The following CCDC171 variants were observed in gnomAD, a reference collection of about 807,000 sequenced individuals.
CCDC171 encodes coiled-coil domain containing 171.
In CCDC171, 177 loss-of-function variants were observed where a neutral mutation model predicts 168.2. The observed-to-expected ratio is 1.05, with a 90% CI of 0.93 to 1.19. CCDC171 has a LOEUF of 1.19. Ranked by LOEUF, CCDC171 falls within the 50% of genes most tolerant of loss-of-function variation. CCDC171 has a pLI of 0.00. For synonymous variants in CCDC171, 687 were observed against 540.8 expected, an observed-to-expected ratio of 1.27 and a Z score of -3.75; for missense variants, 1,991 against 1,539.0, an observed-to-expected ratio of 1.29 and a Z score of -4.91.
chr9:15,644,985 C>T (rs1004574310), intron 7 of CCDC171, among the ~76,000 whole-genome samples: 1 of 152,252 alleles, frequency 6.6e-6, no homozygotes, highest in African/African-American at 2.4e-5. Context: ...ACCTGGGAGG[C>T]ATCCCCTAGT....
intron 14 of CCDC171, among the ~76,000 whole-genome samples, chr9:15,726,675 G>A (rs1221670485): frequency 3.9e-5 from 6 of 151,954 alleles, no homozygotes; most frequent in Non-Finnish European, 7.4e-5. Flanking sequence ...TTTATATTTT[G>A]ATATTTGTAA....
At chr9:16,107,881 T>C in the CCDC171 span, among the ~76,000 whole-genome samples, 25 of 152,242 alleles carry the variant, frequency 1.6e-4, no homozygotes, top group African/African-American at 5.5e-4. Context: ...TATGAAAGAA[T>C]ACATTTCATT....
intron 4 of CCDC171, among the ~76,000 whole-genome samples, chr9:16,021,929 C>T (rs1333193451): frequency 1.3e-5 from 2 of 152,142 alleles, no homozygotes; most frequent in African/African-American, 4.8e-5. Context: ...GTACTTTTGC[C>T]TTTTTAAACC....
chr9:15,586,396 G>A (rs980321380), intron 4 of CCDC171, among the ~76,000 whole-genome samples: 1 of 152,208 alleles, frequency 6.6e-6, no homozygotes, highest in Non-Finnish European at 1.5e-5. Context: ...AGAACAGGGG[G>A]TGTGACAAGA....
At position 15,558,590 on chromosome 9, in the gene CCDC171, C is replaced by CT. The variant is rs2039004325; in HGVS notation, c.-112+5295dup. Among the ~76,000 whole-genome samples, 5 of 152,138 alleles carry CT rather than the reference C, an allele frequency of 3.3e-5. No homozygotes were observed. In the South Asian group the frequency reaches 8.3e-4, roughly 25 times the overall value. ...GGATCAGTGGTGATATCCCCTTTAT[C>CT]TTTTTTTATTACATCTTTGATTCTT... On this transcript the variant is annotated intron_variant, in intron 1 of 25. Coordinates refer to ENST00000380701, the MANE Select transcript of CCDC171 (RefSeq NM_173550.4).
At chr9:15,566,898 C>T (rs2039777149) in intron 2 of CCDC171, among the ~76,000 whole-genome samples, 1 of 152,160 alleles carries the variant, frequency 6.6e-6, no homozygotes, top group African/African-American at 2.4e-5. Flanking sequence ...CCAGTTGTTC[C>T]AGCAGCGTTG....
intron 6 of CCDC171, among the ~76,000 whole-genome samples, chr9:16,028,474 A>T (rs1165353932): frequency 6.6e-6 from 1 of 152,232 alleles, no homozygotes; most frequent in Non-Finnish European, 1.5e-5. Flanking sequence ...CAGGGTTACC[A>T]GATGAAATAT....
At chr9:16,034,947 A>C (rs1394952642) in intron 6 of CCDC171, among the ~76,000 whole-genome samples, 1 of 152,262 alleles carries the variant, frequency 6.6e-6, no homozygotes, top group Non-Finnish European at 1.5e-5. Context: ...GAGAAGAAAC[A>C]TAGTACACTT....
At chr9:15,905,700 C>CA (rs1313987706) in intron 24 of CCDC171, among the ~76,000 whole-genome samples, 2 of 151,994 alleles carry the variant, frequency 1.3e-5, no homozygotes, top group Admixed American at 6.6e-5. Context: ...GATAGAGACA[C>CA]AAAAAACCCT....
intron 1 of CCDC171, among the ~76,000 whole-genome samples, chr9:16,055,838 T>G (rs550817841): frequency 6.6e-6 from 1 of 152,396 alleles, no homozygotes; most frequent in East Asian, 1.9e-4. Flanking sequence ...TAGGAACTAT[T>G]GCAGAATGCA....
At chr9:15,588,039 A>G (rs2041698727) in intron 4 of CCDC171, among the ~76,000 whole-genome samples, 1 of 152,176 alleles carries the variant, frequency 6.6e-6, no homozygotes, top group African/African-American at 2.4e-5. Context: ...GTTCAAGACC[A>G]GCCTGACTGA....
chr9:15,779,494 G>A (rs973067342), intron 20 of CCDC171, among the ~76,000 whole-genome samples: 25 of 152,026 alleles, frequency 1.6e-4, no homozygotes, highest in African/African-American at 5.8e-4. Context: ...CAAGCAGCTG[G>A]GATTACAGGT....
rs1036828802 is a variant in CCDC171 at position 15,637,851 on chromosome 9, T to G, written c.822+14438T>G. ...TCCATGGTGTATATGTGCCACATTT[T>G]CTTAATCCAGTCTATCCTTGTTGGA... On this transcript the variant is annotated intron_variant, in intron 7 of 25. Coordinates refer to ENST00000380701, the MANE Select transcript of CCDC171 (RefSeq NM_173550.4). Among the ~76,000 whole-genome samples, 6 of 152,242 alleles carry G rather than the reference T, an allele frequency of 3.9e-5. No individual in the cohort carries two copies. In the South Asian group the frequency reaches 1.2e-3, roughly 32 times the overall value.
chr9:15,608,979 T>C (rs528368372), intron 6 of CCDC171, among the ~76,000 whole-genome samples: 61 of 122,814 alleles, frequency 5.0e-4, no homozygotes, highest in African/African-American at 8.5e-4. Context: ...AAAAGAGTGG[T>C]TTTTTTTTAA....
intron 1 of CCDC171, among the ~76,000 whole-genome samples, chr9:15,556,874 G>A (rs949002098): frequency 6.6e-6 from 1 of 152,102 alleles, no homozygotes; most frequent in African/African-American, 2.4e-5. Context: ...ATGGTTTTAG[G>A]TCTAACATTT....
intron 21 of CCDC171, among the ~76,000 whole-genome samples, chr9:15,796,305 A>G (rs1397196714): frequency 6.6e-6 from 1 of 152,206 alleles, no homozygotes; most frequent in African/African-American, 2.4e-5. Flanking sequence ...GGGGGACAAA[A>G]TGATGGATAA....
At chr9:16,076,931 A>T in the CCDC171 span, among the ~76,000 whole-genome samples, 1 of 152,202 alleles carries the variant, frequency 6.6e-6, no homozygotes, top group South Asian at 2.1e-4. Flanking sequence ...CTCAACATGG[A>T]TTCATTACCT....
At chr9:15,803,375 G>T (rs1332492105) in intron 21 of CCDC171, among the ~76,000 whole-genome samples, 4 of 150,596 alleles carry the variant, frequency 2.7e-5, no homozygotes, top group East Asian at 1.9e-4. Context: ...TTTTTCTAGG[G>T]TTTTTTTTTG....
chr9:15,753,851 G>A (rs1329183151), intron 18 of CCDC171, among the ~76,000 whole-genome samples: 2 of 152,132 alleles, frequency 1.3e-5, no homozygotes, highest in African/African-American at 2.4e-5. Flanking sequence ...AGGAATATTG[G>A]AAGGAATATG....
Sources: gnomAD v4.1 joint callset for allele counts (sites outside exome capture counted in the v4.1 genomes callset) on GRCh38, gnomAD v4.1.1 for gene constraint, MANE v1.5 for transcripts, NCBI Gene and HGNC (gene_info 2026-07-23, HGNC 2026-07-21) for gene names.